PLPPR1: variants seen among roughly 807,000 people sequenced by gnomAD.
PLPPR1 encodes the protein phospholipid phosphatase-related protein type 1.
In PLPPR1, 10 loss-of-function variants were observed where a neutral mutation model predicts 33.1. The observed-to-expected ratio is 0.30, with a 90% confidence interval of 0.19 to 0.51. PLPPR1 has a LOEUF of 0.51. Ranked by LOEUF, PLPPR1 falls within the 20% of genes least tolerant of loss-of-function variation. The probability of loss-of-function intolerance (pLI) is 0.97; values close to 1 mark genes in which losing one functional copy is unlikely to be tolerated. For synonymous variants in PLPPR1, 151 were observed against 151.0 expected (o/e 1.00, Z 0.00); for missense variants, 304 against 408.1 (o/e 0.74, Z 2.20).
intron 1 of PLPPR1, among the ~76,000 whole-genome samples, chr9:101,119,754 C>T (rs1831157144): frequency 6.6e-6 from 1 of 152,198 alleles, no homozygotes; most frequent in African/African-American, 2.4e-5. Context: ...TCGAAGATAA[C>T]CTCAATTGGC....
chr9:101,185,658 A>T (rs1826191428), intron 2 of PLPPR1, 101 bp downstream of exon 2: 1 of 712,598 alleles, frequency 1.4e-6, no homozygotes, highest in African/African-American at 1.8e-5. Flanking sequence ...TATGATTGGT[A>T]AGTCAATTTT....
At chr9:101,159,041 A>G (rs1238340815) in intron 1 of PLPPR1, among the ~76,000 whole-genome samples, 1 of 152,240 alleles carries the variant, frequency 6.6e-6, no homozygotes, top group African/African-American at 2.4e-5. Flanking sequence ...GTTTAATTAG[A>G]AATCTATAGG....
At position 101,304,314 on chromosome 9, in the gene PLPPR1, A is replaced by G. The variant is rs1457227266; in HGVS notation, c.386-4897A>G. Among the ~76,000 whole-genome samples, 4 of 152,198 alleles carry G rather than the reference A, an allele frequency of 2.6e-5. No homozygotes were observed. In the East Asian group the frequency reaches 7.7e-4, roughly 29 times the overall value. Reference sequence around the variant, plus strand: ...TATGGACAAGTTTCTATGCTCTTTTATCCTCTTCTGTTAATCTCTAAAGTT... The same window carrying G: ...TATGGACAAGTTTCTATGCTCTTTTGTCCTCTTCTGTTAATCTCTAAAGTT... On this transcript the variant is annotated intron_variant, in intron 4 of 7. Transcript: ENST00000374874.
At chr9:101,317,270 G>T (rs1233027852) in intron 6 of PLPPR1, 95 bp from the exon 7 acceptor site, 1 of 1,320,610 alleles carries the variant, frequency 7.6e-7, no homozygotes, top group East Asian at 2.3e-5. Context: ...TCACTCTGGT[G>T]ATGATATTCA....
At chr9:101,296,974 C>G (rs1026127060) in intron 4 of PLPPR1, among the ~76,000 whole-genome samples, 35 of 151,854 alleles carry the variant, frequency 2.3e-4, no homozygotes, top group African/African-American at 8.2e-4. Context: ...TAAAAAAACA[C>G]TATGAATCCA....
rs73656425 is a variant in PLPPR1, at chr9:101,035,668, A to G, written c.-46+6566A>G. 1.6e-3 allele frequency among the ~76,000 whole-genome samples: 251 copies of G among 152,314 alleles called. 2 individuals are homozygous for G. Among genetic ancestry groups the G allele is most frequent in the African/African-American group, 5.1e-3 (213 of 41,570 alleles). ...GTGCCTAACATAGTGCTTGGCATAT[A>G]TAAGCGTTCAGTAAACGTTTTTGAT... On this transcript the variant is annotated intron_variant, in intron 1 of 7. Coordinates refer to ENST00000374874, the MANE Select transcript of PLPPR1 (RefSeq NM_207299.2).
chr9:101,210,718 A>G (rs767718260), intron 2 of PLPPR1, among the ~76,000 whole-genome samples: 1 of 152,148 alleles, frequency 6.6e-6, no homozygotes, highest in Non-Finnish European at 1.5e-5. Flanking sequence ...TTTTAATTGT[A>G]ATTGAACTTA....
chr9:101,306,665 G>T (rs541702239), intron 4 of PLPPR1, among the ~76,000 whole-genome samples: 1 of 152,226 alleles, frequency 6.6e-6, no homozygotes, highest in African/African-American at 2.4e-5. Flanking sequence ...AGATGGAGCA[G>T]AGCCTTAAGA....
At chr9:101,139,493 A>T (rs1564155617) in intron 1 of PLPPR1, among the ~76,000 whole-genome samples, 2 of 152,158 alleles carry the variant, frequency 1.3e-5, no homozygotes, top group Non-Finnish European at 2.9e-5. Context: ...AGCTATCATG[A>T]TTTTTAGATT....
chr9:101,319,650 C>A (rs1338721370), intron 7 of PLPPR1, among the ~76,000 whole-genome samples: 2 of 152,080 alleles, frequency 1.3e-5, no homozygotes, highest in Non-Finnish European at 2.9e-5. Flanking sequence ...TTATATACAG[C>A]CTGTTGCTAC....
chr9:101,277,093 G>A (rs1237325880), intron 3 of PLPPR1, among the ~76,000 whole-genome samples: 1 of 152,146 alleles, frequency 6.6e-6, no homozygotes, highest in Non-Finnish European at 1.5e-5. Context: ...GGGTCTATAG[G>A]TTGAAAATCT....
chr9:101,161,438 G>C (rs1226340818), intron 1 of PLPPR1, among the ~76,000 whole-genome samples: 1 of 152,110 alleles, frequency 6.6e-6, no homozygotes, highest in African/African-American at 2.4e-5. Flanking sequence ...ATTTTAGTGT[G>C]TGTCTCCACA....
At chr9:101,237,660 A>C (rs912773924) in intron 2 of PLPPR1, among the ~76,000 whole-genome samples, 8 of 143,678 alleles carry the variant, frequency 5.6e-5, no homozygotes, top group Admixed American at 2.1e-4. Context: ...CACACACACA[A>C]AATTCCATCA....
At chr9:101,126,173 CT>C (rs1384792958) in intron 1 of PLPPR1, among the ~76,000 whole-genome samples, 1 of 152,214 alleles carries the variant, frequency 6.6e-6, no homozygotes, top group Non-Finnish European at 1.5e-5. Flanking sequence ...CCAAAGCCTC[CT>C]GTTCTTTTCA....
chr9:101,235,306 G>A (rs928206726), intron 2 of PLPPR1, among the ~76,000 whole-genome samples: 8 of 151,806 alleles, frequency 5.3e-5, no homozygotes, highest in African/African-American at 9.7e-5. Context: ...AATAAGTTTC[G>A]AACACAGGGA....
At chr9:101,313,737 G>A (rs189340198) in intron 6 of PLPPR1, among the ~76,000 whole-genome samples, 9 of 152,162 alleles carry the variant, frequency 5.9e-5, no homozygotes, top group East Asian at 1.9e-4. Context: ...TCTCTTTCAC[G>A]GTTGTATTGA....
chr9:101,274,108 G>A (rs1828146100), intron 3 of PLPPR1, among the ~76,000 whole-genome samples: 1 of 152,198 alleles, frequency 6.6e-6, no homozygotes, highest in Admixed American at 6.5e-5. Context: ...AGTGGACAGA[G>A]CATTAAGCAC....
intron 1 of PLPPR1, among the ~76,000 whole-genome samples, chr9:101,088,096 A>C (rs1830700274): frequency 6.6e-6 from 1 of 152,190 alleles, no homozygotes; most frequent in Non-Finnish European, 1.5e-5. Context: ...AGAAGCATCA[A>C]AATTTCCCCT....
chr9:101,299,177 C>T (rs1298808348), intron 4 of PLPPR1, among the ~76,000 whole-genome samples: 1 of 152,154 alleles, frequency 6.6e-6, no homozygotes, highest in Non-Finnish European at 1.5e-5. Context: ...GCAACAGGAA[C>T]CGTAGTTGAA....
Sources: gnomAD v4.1 joint callset for allele counts (sites outside exome capture counted in the v4.1 genomes callset) on GRCh38, gnomAD v4.1.1 for gene constraint, MANE v1.5 for transcripts, NCBI Gene and HGNC (gene_info 2026-07-23, HGNC 2026-07-21) for gene names.